Variants in VAV2 observed in about 807,000 individuals in gnomAD.
The protein encoded by VAV2 is guanine nucleotide exchange factor VAV2.
Under a neutral mutation model 132.5 loss-of-function variants are expected in VAV2, and 67 were observed. The ratio of observed to expected loss-of-function variants is 0.51; its 90% CI spans 0.42 to 0.62. The LOEUF (loss-of-function observed/expected upper bound fraction) is 0.62. VAV2 is among the 20% of genes least tolerant of loss of function. The pLI is 0.00. For synonymous variants in VAV2, 492 were observed against 443.5 expected, an observed-to-expected ratio of 1.11 and a Z score of -1.37; for missense variants, 938 against 1,153.6, an observed-to-expected ratio of 0.81 and a Z score of 2.71.
intron 2 of VAV2, among the ~76,000 whole-genome samples, chr9:133,869,108 C>A (rs1007672834): frequency 6.6e-6 from 1 of 152,032 alleles, no homozygotes; most frequent in Non-Finnish European, 1.5e-5. Context: ...GCGATTCTCC[C>A]GCCTCAGCCG....
At chr9:133,779,878 A>G (rs1833944840) in intron 21 of VAV2, 40 bp downstream of exon 21, 18 of 1,605,790 alleles carry the variant, frequency 1.1e-5, no homozygotes, top group Non-Finnish European at 1.4e-5. Flanking sequence ...GTGATGGCTG[A>G]CATGGGTGAT....
rs1413100391 is a variant in VAV2 at position 133,834,357 on chromosome 9, G to A, written c.381-17C>T. The A allele has an allele frequency of 5.0e-6, 8 of 1,609,698 alleles. No homozygotes were observed. The highest frequency in any genetic ancestry group is 1.3e-5 in the African/African-American group (1 of 75,008). ...GGAAAAGGCCTGCGGAAGAGAAGGC[G>A]AGAGGGAGGTGAGCAGGTCCCGGCA... is the stretch of plus-strand genomic sequence containing the variant. On this transcript the variant is annotated splice_polypyrimidine_tract_variant and intron_variant, in intron 3 of 29. Coordinates refer to ENST00000371850, the MANE Select transcript of VAV2 (RefSeq NM_001134398.2). The surrounding 1 kb of genome is among the most constrained non-coding windows in gnomAD (Gnocchi z 5.9).
chr9:133,829,243 T>C (rs1421526812), intron 4 of VAV2, among the ~76,000 whole-genome samples: 2 of 152,270 alleles, frequency 1.3e-5, no homozygotes, highest in African/African-American at 4.8e-5. Context: ...TGATAAAGCA[T>C]TTTTAAGTGG....
Position 133,912,284 on chromosome 9 carries a change from G to A in VAV2, c.321+26819C>T, listed in dbSNP as rs866766264. ...CTACGGCATCAGGACACCGTCACCG[G>A]AGGATGGTCCAAGAAGGCGGGAAGG... On this transcript the variant is annotated intron_variant, in intron 2 of 29. Transcript: ENST00000371850. This position sits in a 1 kb window ranked among gnomAD's most constrained non-coding sequence, Gnocchi z 4.3. Among the ~76,000 whole-genome samples, 1 of 152,302 alleles carries A rather than the reference G, an allele frequency of 6.6e-6. No individual in the cohort carries two copies. The highest frequency in any genetic ancestry group is 2.1e-4 in the South Asian group (1 of 4,822).
intron 2 of VAV2, among the ~76,000 whole-genome samples, chr9:133,887,213 T>C (rs1838747933): frequency 6.6e-6 from 1 of 152,076 alleles, no homozygotes; most frequent in Admixed American, 6.5e-5. Context: ...CCTCAGGGAC[T>C]CCCCATGGAA....
chr9:133,907,610 G>A (rs1839706365), intron 2 of VAV2, among the ~76,000 whole-genome samples: 1 of 152,218 alleles, frequency 6.6e-6, no homozygotes, highest in Non-Finnish European at 1.5e-5. Flanking sequence ...AGGCCTCGCT[G>A]GAATCAAAAC....
rs923561049 is a variant in VAV2, at chr9:133,919,185, C to T, written c.321+19918G>A. On this transcript the variant is annotated intron_variant, in intron 2 of 29. Coordinates refer to ENST00000371850, the MANE Select transcript of VAV2 (RefSeq NM_001134398.2). The surrounding 1 kb of genome is among the most constrained non-coding windows in gnomAD (Gnocchi z 5.8). The stretch of plus-strand genomic sequence containing the variant: ...TGCCCACAGCCTCTCCACGCACCCC[C>T]TCACTGCTGTGCCCTGGCACCTCTG... Among the ~76,000 whole-genome samples the T allele has an allele frequency of 2.6e-5, 4 of 152,230 alleles. No homozygotes were observed. The highest frequency in any genetic ancestry group is 3.8e-4 in the East Asian group (2 of 5,196).
At chr9:133,942,693 G>A (rs980919640) in intron 1 of VAV2, among the ~76,000 whole-genome samples, 2 of 152,188 alleles carry the variant, frequency 1.3e-5, no homozygotes, top group South Asian at 2.1e-4. Flanking sequence ...GCTTCCTTTC[G>A]GGCACAGGAT....
intron 2 of VAV2, among the ~76,000 whole-genome samples, chr9:133,887,629 C>A (rs1270784139): frequency 6.6e-6 from 1 of 152,116 alleles, no homozygotes; most frequent in Non-Finnish European, 1.5e-5. Flanking sequence ...CCACGGACTC[C>A]ACTTACCCCC....
intron 3 of VAV2, among the ~76,000 whole-genome samples, chr9:133,847,847 G>A (rs187735660): frequency 2.4e-4 from 36 of 152,278 alleles, no homozygotes; most frequent in Admixed American, 5.2e-4. Flanking sequence ...GTGGGTGGAC[G>A]GGGCAGCTCC....
chr9:133,848,073 C>A (rs1265132287), intron 3 of VAV2, among the ~76,000 whole-genome samples: 1 of 151,990 alleles, frequency 6.6e-6, no homozygotes, highest in Non-Finnish European at 1.5e-5. Flanking sequence ...GTCAGGAGAT[C>A]GAGACCATCC....
In VAV2 at chr9:133,777,373, G is replaced by A. The variant is rs749333300; in HGVS notation, c.1965+16C>T. 29 of 1,613,286 alleles carry A rather than the reference G, an allele frequency of 1.8e-5. No individual in the cohort carries two copies. The highest frequency in any genetic ancestry group is 2.7e-5 in the African/African-American group (2 of 74,924). The stretch of plus-strand genomic sequence containing the variant: ...AGGCCACCGTGCTCCAGAAGCTTCT[G>A]TGGGAAAGGACTCACCCTTCCATCC... On this transcript the variant is annotated intron_variant, in intron 23 of 29. Transcript: ENST00000371850.
At chr9:133,776,247 C>T (rs535103456) in intron 23 of VAV2, among the ~76,000 whole-genome samples, 167 bp from the exon 24 acceptor site, 3 of 152,348 alleles carry the variant, frequency 2.0e-5, no homozygotes, top group East Asian at 3.9e-4. Flanking sequence ...GCCCAAGGGT[C>T]GTGGCCAGGA....
intron 3 of VAV2, among the ~76,000 whole-genome samples, chr9:133,859,674 A>G (rs1202713733): frequency 6.6e-6 from 1 of 152,200 alleles, no homozygotes; most frequent in African/African-American, 2.4e-5. Flanking sequence ...GAGTATAACC[A>G]CGCCACTGAC....
At chr9:133,795,568 C>T in intron 12 of VAV2, 100 bp downstream of exon 12, 1 of 1,441,730 alleles carries the variant, frequency 6.9e-7, no homozygotes, top group South Asian at 1.2e-5. Flanking sequence ...GGAAACTGTC[C>T]ACAGTCAAAA....
At chr9:133,907,295 C>A (rs1327032171) in intron 2 of VAV2, among the ~76,000 whole-genome samples, 3 of 152,256 alleles carry the variant, frequency 2.0e-5, no homozygotes, top group African/African-American at 7.2e-5. Context: ...CAGGCCAGCT[C>A]AGAGCCCTCA....
rs1440645345 is a variant in VAV2, at chr9:133,834,782, C to G, written c.381-442G>C. ...AGCTCAGTCCACGCAGGAGAGGAAG[C>G]AGGAGGGGACTCCGGAAGGGAGGGG... is the stretch of plus-strand genomic sequence containing the variant. On this transcript the variant is annotated intron_variant, in intron 3 of 29. Transcript: ENST00000371850. This position sits in a 1 kb window ranked among gnomAD's most constrained non-coding sequence, Gnocchi z 5.9. Among the ~76,000 whole-genome samples the G allele has an allele frequency of 6.6e-6, 1 of 152,190 alleles. No individual in the cohort carries two copies. The highest frequency in any genetic ancestry group is 1.5e-5 in the Non-Finnish European group (1 of 68,014).
chr9:133,906,769 G>A (rs948074888), intron 2 of VAV2, among the ~76,000 whole-genome samples: 1 of 152,200 alleles, frequency 6.6e-6, no homozygotes, highest in African/African-American at 2.4e-5. Context: ...CTGGAGAGCT[G>A]GGGGCAGCGG....
At chr9:133,852,410 G>A (rs1265233720) in intron 3 of VAV2, among the ~76,000 whole-genome samples, 1 of 151,668 alleles carries the variant, frequency 6.6e-6, no homozygotes, top group African/African-American at 2.4e-5. Flanking sequence ...AAGGGTGGGG[G>A]GAGTGCGGGG....
Sources: allele counts gnomAD v4.1 joint callset (sites outside exome capture counted in the v4.1 genomes callset), GRCh38; gene constraint gnomAD v4.1.1; non-coding constraint Gnocchi (gnomAD v3.1); transcripts MANE v1.5; gene names NCBI Gene and HGNC (gene_info 2026-07-23, HGNC 2026-07-21).